VPS13D: variants seen among roughly 807,000 people sequenced by gnomAD.
The protein encoded by VPS13D is intermembrane lipid transfer protein VPS13D.
Under a neutral mutation model 461.9 loss-of-function variants are expected in VPS13D, and 187 were observed. The observed-to-expected ratio is 0.40, with a 90% CI of 0.36 to 0.46. The LOEUF (loss-of-function observed/expected upper bound fraction) is 0.46. Among genes scored for constraint, VPS13D ranks in the 20% least tolerant of loss-of-function variants. VPS13D has a pLI of 0.60. For synonymous variants in VPS13D, 1,951 were observed against 1,986.3 expected, an observed-to-expected ratio of 0.98 and a Z score of 0.47; for missense variants, 4,711 against 5,364.9, an observed-to-expected ratio of 0.88 and a Z score of 3.81.
chr1:12,356,785 C>G (rs1248424248), intron 49 of VPS13D, among the ~76,000 whole-genome samples: 1 of 152,172 alleles, frequency 6.6e-6, no homozygotes. Flanking sequence ...CTATTCATAA[C>G]TCTGCCAACG....
chr1:12,244,838 T>C (rs1640495954), intron 5 of VPS13D, among the ~76,000 whole-genome samples: 1 of 152,208 alleles, frequency 6.6e-6, no homozygotes, highest in Non-Finnish European at 1.5e-5. Context: ...TTGTTTCTGC[T>C]GGCATGAGGA....
chr1:12,426,097 G>C (rs1167190924), intron 65 of VPS13D, among the ~76,000 whole-genome samples: 2 of 152,212 alleles, frequency 1.3e-5, no homozygotes, highest in Non-Finnish European at 2.9e-5. Context: ...TAGTGTAAAA[G>C]GGTTGAAATG....
At chr1:12,500,362 GT>G in intron 68 of VPS13D, 1 of 424,162 alleles carries the variant, frequency 2.4e-6, no homozygotes, top group Non-Finnish European at 3.2e-6. Flanking sequence ...TGATGTTAAA[GT>G]AAAATTTGTC....
intron 2 of VPS13D, among the ~76,000 whole-genome samples, chr1:12,239,947 A>G (rs74055820): frequency 0.037 from 5,675 of 152,098 alleles, 199 homozygotes; most frequent in African/African-American, 0.088. Flanking sequence ...TTTATAAAGC[A>G]CTCAGTACTT....
In VPS13D at chr1:12,345,393, A is replaced by C. The variant is rs755668589; in HGVS notation, c.8905A>C (p.Ile2969Leu). 11 of 1,612,976 alleles carry C rather than the reference A, an allele frequency of 6.8e-6. No homozygotes were observed. In the South Asian group the frequency reaches 1.2e-4, roughly 18 times the overall value. The change falls in exon 43 of 70, where the codon ATT becomes CTT. Residue 2969 changes from isoleucine to leucine, a missense_variant. Ile to Leu is a conservative substitution (Grantham distance 5, BLOSUM62 2). Transcript: ENST00000620676. ...TGACAGACACACCCATGACCTCCGGATTCATCAACTGCAAGTGAGAGTAAA... is the reference window on the plus strand; with the variant it reads ...TGACAGACACACCCATGACCTCCGGCTTCATCAACTGCAAGTGAGAGTAAA... ...LRHRHTHDLRIHQLQVRVNGW... is the reference protein window; with the variant it reads ...LRHRHTHDLRLHQLQVRVNGW...
intron 25 of VPS13D, among the ~76,000 whole-genome samples, chr1:12,303,143 C>CT (rs1642471985): frequency 6.6e-6 from 1 of 152,168 alleles, no homozygotes; most frequent in African/African-American, 2.4e-5. Context: ...TGAGGTTTGT[C>CT]TAATATGCAT....
rs1644352401 is a variant in VPS13D, at chr1:12,386,471, A to G, written c.11634+137A>G. On this transcript the variant is annotated intron_variant, in intron 60 of 69. Coordinates refer to ENST00000620676, the MANE Select transcript of VPS13D (RefSeq NM_015378.4). ...GGCCTTCAAAAAATCATTCTGTGAA[A>G]TAGTTGTTTCTACCTACATTCGTCT... is the stretch of plus-strand genomic sequence containing the variant. 33 of 1,055,916 alleles carry G rather than the reference A, an allele frequency of 3.1e-5. No homozygotes were observed. The South Asian group carries it at 4.2e-4, about 14-fold the overall frequency. The allele number at this position is 1,055,916 out of a possible 1,614,324, so 65.4% of individuals were successfully genotyped here.
chr1:12,466,846 T>C (rs953780731), intron 67 of VPS13D, among the ~76,000 whole-genome samples: 1 of 152,264 alleles, frequency 6.6e-6, no homozygotes, highest in African/African-American at 2.4e-5. Context: ...TCAGTGAAAC[T>C]GAAAAATTAT....
rs1433257564 is a variant in VPS13D, at chr1:12,319,705, C to T, written c.7548+75C>T. ...AAGCATCTGGAAGAGAATTTTCCCT[C>T]TTAAACTTTCATGAGGGGAAGGAAT... On this transcript the variant is annotated intron_variant, in intron 32 of 69. Coordinates refer to ENST00000620676, the MANE Select transcript of VPS13D (RefSeq NM_015378.4). 1.1e-5 allele frequency: 18 copies of T among 1,598,078 alleles called. No individual in the cohort carries two copies. In the Admixed American group the frequency reaches 2.4e-4, roughly 21 times the overall value.
In VPS13D at chr1:12,349,205, G is replaced by A. The variant is rs750670813; in HGVS notation, c.9262G>A (p.Ala3088Thr). 56 of 1,613,996 alleles carry A rather than the reference G, an allele frequency of 3.5e-5. No individual in the cohort carries two copies. The highest frequency in any genetic ancestry group is 4.7e-5 in the Non-Finnish European group (55 of 1,180,050). The change falls in exon 46 of 70, where the codon GCT (alanine) becomes ACT (threonine). Residue 3088 changes from alanine (A) to threonine (T), a missense_variant. Ala to Thr is a moderately conservative substitution (Grantham distance 58). Around this residue, in one of 3 missense-constraint regions of VPS13D, gnomAD observed 4,411 missense variants for 4,937.8 expected, o/e 0.89. Transcript: ENST00000620676. ...LPAIMPGDSF[A>T]VPLHLTSWRL... ...TGCTATCATGCCAGGGGATTCGTTT[G>A]CTGTGCCTTTACACCTCACTTCTTG...
Position 12,335,795 on chromosome 1 carries a change from G to C in VPS13D, c.8519G>C (p.Gly2840Ala). The C allele has an allele frequency of 6.2e-7, 1 of 1,614,100 alleles. No individual in the cohort carries two copies. The change falls in exon 39 of 70, where the codon GGC (glycine) becomes GCC (alanine). Residue 2840 changes from glycine (G) to alanine (A), a missense_variant. This residue lies in a region of VPS13D where 4,411 missense variants were observed against 4,937.8 expected (regional missense o/e 0.89). Transcript: ENST00000620676. ...IESAKSEDWM[G>A]SSVDPPCFGQ... ...TCAGCTAAATCAGAAGACTGGATGG[G>C]CTCTTCGGTGGATCCTCCATGTTTT...
Position 12,416,830 on chromosome 1 carries a change from A to G in VPS13D, c.12333+3A>G. ...GAGTATCAAACTCTGCTGCCAAGGT[A>G]AGGAAATAGAGGTGAAATTCCATTA... On this transcript the variant is annotated splice_donor_region_variant and intron_variant, in intron 65 of 69. Transcript: ENST00000620676. 2 of 1,608,484 alleles carry G rather than the reference A, an allele frequency of 1.2e-6. No homozygotes were observed. Among genetic ancestry groups the G allele is most frequent in the South Asian group, 1.1e-5 (1 of 89,810 alleles).
In VPS13D at chr1:12,349,344, C is replaced by T. The variant is rs1336175986; in HGVS notation, c.9401C>T (p.Ser3134Phe). ...AGTAGCAGTAAACGAGAGTGCCACTCTATGGACACAGAAAAAAGCCGATTT... is the reference window on the plus strand; with the variant it reads ...AGTAGCAGTAAACGAGAGTGCCACTTTATGGACACAGAAAAAAGCCGATTT... ...EISSSKRECH[S>F]MDTEKSRFFR... is the part of the protein sequence containing the mutation. Residue 3134 changes from serine (S) to phenylalanine (F), a missense_variant, in exon 46 of 70, where the codon TCT becomes TTT. Ser to Phe is a radical substitution (Grantham distance 155). This residue lies in a region of VPS13D where 4,411 missense variants were observed against 4,937.8 expected (regional missense o/e 0.89). Transcript: ENST00000620676. 1.2e-6 allele frequency: 2 copies of T among 1,613,878 alleles called. No individual in the cohort carries two copies. The highest frequency in any genetic ancestry group is 1.7e-5 in the Admixed American group (1 of 59,974).
At chr1:12,342,781 C>T (rs535604992) in intron 41 of VPS13D, 118 bp from the exon 42 acceptor site, 174 of 1,220,644 alleles carry the variant, frequency 1.4e-4, no homozygotes, top group Admixed American at 3.7e-4. Context: ...CTAGGTCATG[C>T]AGCCTTTTAT....
At chr1:12,242,708 T>C in intron 3 of VPS13D, 118 bp downstream of exon 3, 5 of 844,116 alleles carry the variant, frequency 5.9e-6, no homozygotes, top group Non-Finnish European at 9.5e-6. Context: ...ATAGCAAATG[T>C]TAGAGTTTAG....
chr1:12,484,493 A>T (rs1046438776), intron 67 of VPS13D, among the ~76,000 whole-genome samples: 1 of 152,256 alleles, frequency 6.6e-6, no homozygotes, highest in African/African-American at 2.4e-5. Flanking sequence ...CCATTCAGTA[A>T]GTTGACCAAG....
chr1:12,385,379 G>T lies in VPS13D; in HGVS notation c.11484+6G>T, dbSNP rs753930909. On this transcript the variant is annotated splice_donor_region_variant and intron_variant, in intron 59 of 69. Transcript: ENST00000620676. Reference sequence around the variant, plus strand: ...ATACAGAGCAGGAATTGGAAGTAAGGTCTAAATATTGTGAATTTATTTATT... The same window carrying T: ...ATACAGAGCAGGAATTGGAAGTAAGTTCTAAATATTGTGAATTTATTTATT... The T allele has an allele frequency of 3.1e-6, 5 of 1,594,874 alleles. No individual in the cohort carries two copies. The highest frequency in any genetic ancestry group is 1.1e-5 in the South Asian group (1 of 87,266).
intron 30 of VPS13D, among the ~76,000 whole-genome samples, chr1:12,317,527 A>T (rs1269835737): frequency 1.3e-5 from 2 of 151,734 alleles, no homozygotes. Flanking sequence ...GCCTCTACCT[A>T]TACTAGATAG....
At chr1:12,288,127 G>A (rs1046784380) in intron 21 of VPS13D, 96 bp from the exon 22 acceptor site, 1 of 1,061,668 alleles carries the variant, frequency 9.4e-7, no homozygotes, top group Non-Finnish European at 1.4e-6. Context: ...AGTTTCCCAA[G>A]CCTTTTTGCA....
Sources: allele counts gnomAD v4.1 joint callset (sites outside exome capture counted in the v4.1 genomes callset), GRCh38; gene constraint gnomAD v4.1.1; regional missense constraint gnomAD v4.1.1; transcripts MANE v1.5; gene names NCBI Gene and HGNC (gene_info 2026-07-23, HGNC 2026-07-21).